The following JMY variants were observed in gnomAD, a reference collection of about 807,000 sequenced individuals.
JMY encodes junction-mediating and -regulatory protein.
A neutral mutation model predicts 103.3 loss-of-function variants in JMY; 46 were observed. That is an observed-to-expected ratio of 0.45 (90% CI 0.35 to 0.57). The LOEUF is 0.57. Among genes scored for constraint, JMY ranks in the 20% least tolerant of loss-of-function variants. The pLI is 0.00. For synonymous variants in JMY, 526 were observed against 489.3 expected, an observed-to-expected ratio of 1.07 and a Z score of -0.99; for missense variants, 1,238 against 1,255.2, an observed-to-expected ratio of 0.99 and a Z score of 0.21.
Position 79,237,141 on chromosome 5 carries a change from C to T in JMY, c.491C>T (p.Ala164Val). Residue 164 changes from alanine (A) to valine (V), a missense_variant, in exon 1 of 11, where the codon GCC becomes GTC. Physicochemically the swap from Ala to Val is moderately conservative, Grantham distance 64. Coordinates refer to ENST00000396137, the MANE Select transcript of JMY (RefSeq NM_152405.5). ...GAAGCCGACGATGCGGCGGGGGCAG[C>T]CGCTGCAGCAGCCCGGCCGGCGCCC... The part of the protein sequence containing the change: ...TSEADDAAGA[A>V]AAAARPAPRE... 1 of 1,547,460 alleles carries T rather than the reference C, an allele frequency of 6.5e-7. No homozygotes were observed. The highest frequency in any genetic ancestry group is 8.7e-7 in the Non-Finnish European group (1 of 1,145,508).
At chr5:79,284,544 C>T in intron 2 of JMY, 2 of 1,557,840 alleles carry the variant, frequency 1.3e-6, no homozygotes, top group Non-Finnish European at 1.8e-6. Context: ...ATAGTCCTGA[C>T]GTCAACGTGA....
chr5:79,292,356 A>G (rs1215671881), intron 4 of JMY, among the ~76,000 whole-genome samples: 2 of 151,968 alleles, frequency 1.3e-5, no homozygotes, highest in Non-Finnish European at 2.9e-5. Context: ...ACAGTGTCTC[A>G]TTCTGTCACC....
intron 1 of JMY, among the ~76,000 whole-genome samples, chr5:79,259,918 A>G (rs1375256252): frequency 1.3e-5 from 2 of 152,170 alleles, no homozygotes; most frequent in African/African-American, 4.8e-5. Flanking sequence ...GGAATCCTGC[A>G]TGCCCCTGGC....
intron 6 of JMY, among the ~76,000 whole-genome samples, chr5:79,302,727 G>C (rs1379514770): frequency 6.6e-6 from 1 of 152,198 alleles, no homozygotes; most frequent in Admixed American, 6.5e-5. Context: ...AAGCAAAGGG[G>C]TAGTATGAAC....
At chr5:79,241,695 A>T (rs1343804952) in intron 1 of JMY, among the ~76,000 whole-genome samples, 3 of 152,192 alleles carry the variant, frequency 2.0e-5, no homozygotes, top group African/African-American at 7.2e-5. Context: ...TTTAAAAGTT[A>T]TGTTTATGCT....
chr5:79,275,247 G>A (rs1012055574), intron 1 of JMY, among the ~76,000 whole-genome samples: 3 of 148,784 alleles, frequency 2.0e-5, no homozygotes, highest in Admixed American at 1.4e-4. Context: ...TGCAAGCTCC[G>A]CCTCCCAGGT....
rs1403958504 is a variant in JMY, at chr5:79,325,459, A to C, written c.*3857A>C. The C allele has an allele frequency of 6.6e-6, 1 of 152,188 alleles. No individual in the cohort carries two copies. The highest frequency in any genetic ancestry group is 2.4e-5 in the African/African-American group (1 of 41,448). 9.4% of individuals were successfully genotyped at this position (152,188 alleles called of 1,614,324 possible). A position where few individuals can be genotyped will look rare whatever the true frequency, so the allele number is the denominator to read the frequency against. ...AAGCAGAAACCTTAAGTTTTACCTA[A>C]TTATTGCACTAAATGTAAATGATAA... On this transcript the variant is annotated 3_prime_UTR_variant, in exon 11 of 11. Transcript: ENST00000396137.
chr5:79,325,133 T>C lies in JMY; in HGVS notation c.*3531T>C, dbSNP rs1747592445. The C allele has an allele frequency of 6.6e-6, 1 of 152,582 alleles. No individual in the cohort carries two copies. Among genetic ancestry groups the C allele is most frequent in the Non-Finnish European group, 1.5e-5 (1 of 68,030 alleles). The allele number at this position is 152,582 out of a possible 1,614,324, so 9.5% of individuals were successfully genotyped here. On this transcript the variant is annotated 3_prime_UTR_variant, in exon 11 of 11. Coordinates refer to ENST00000396137, the MANE Select transcript of JMY (RefSeq NM_152405.5). ...ATACAATTTAATTTTACACATTCCC[T>C]AAGACACCATTTTTAAGTTACAGTC...
chr5:79,291,382 C>G (rs533530811), intron 4 of JMY, 83 bp downstream of exon 4: 2 of 1,198,768 alleles, frequency 1.7e-6, no homozygotes, highest in Admixed American at 5.5e-5. Context: ...TTTTTTGATT[C>G]GATAGGCAGT....
intron 1 of JMY, among the ~76,000 whole-genome samples, chr5:79,261,642 C>T (rs1488118170): frequency 6.6e-6 from 1 of 152,176 alleles, no homozygotes; most frequent in Non-Finnish European, 1.5e-5. Flanking sequence ...AAATTGTGTA[C>T]TTCTCAGTAA....
chr5:79,318,022 G>A (rs1220811203), intron 10 of JMY, among the ~76,000 whole-genome samples: 1 of 152,064 alleles, frequency 6.6e-6, no homozygotes, highest in Admixed American at 6.6e-5. Flanking sequence ...ATCTTTTTTT[G>A]ACAGGGTTTC....
chr5:79,236,918 C>T lies in JMY; in HGVS notation c.268C>T (p.Pro90Ser). Reference protein sequence around the residue: ...GPGSPAGRGRPEATASATLVR... With the variant: ...GPGSPAGRGRSEATASATLVR... Reference sequence around the variant, plus strand: ...CGGCAGCCCGGCGGGCAGGGGTCGGCCCGAGGCCACTGCCTCTGCAACTCT... The same window carrying T: ...CGGCAGCCCGGCGGGCAGGGGTCGGTCCGAGGCCACTGCCTCTGCAACTCT... Residue 90 changes from proline (P) to serine (S), a missense_variant, in exon 1 of 11, where the codon CCC (proline) becomes TCC (serine). Coordinates refer to ENST00000396137, the MANE Select transcript of JMY (RefSeq NM_152405.5). 7.2e-7 allele frequency: 1 copy of T among 1,382,078 alleles called. No homozygotes were observed. 85.6% of individuals were successfully genotyped at this position (1,382,078 alleles called of 1,614,324 possible). A position where few individuals can be genotyped will look rare whatever the true frequency, so the allele number is the denominator to read the frequency against.
At position 79,316,095 on chromosome 5, in the gene JMY, G is replaced by A; in HGVS notation, c.2755G>A (p.Glu919Lys). 1 of 1,614,128 alleles carries A rather than the reference G, an allele frequency of 6.2e-7. No individual in the cohort carries two copies. Among genetic ancestry groups the A allele is most frequent in the South Asian group, 1.1e-5 (1 of 91,080 alleles). The change falls in exon 10 of 11, where the codon GAA becomes AAA. Residue 919 changes from glutamate (E) to lysine (K), a missense_variant. Physicochemically the swap from Glu to Lys is moderately conservative, Grantham distance 56. Transcript: ENST00000396137. ...EQRTLPPFPD[E>K]DDSNNILAQI... ...GCGAACTCTGCCTCCTTTTCCTGAT[G>A]AAGATGATAGTAATAATATCTTGGC...
intron 6 of JMY, among the ~76,000 whole-genome samples, chr5:79,304,893 A>G (rs1746834832): frequency 6.6e-6 from 1 of 152,232 alleles, no homozygotes; most frequent in Non-Finnish European, 1.5e-5. Context: ...TCTGGTAGTG[A>G]CATAAATCAC....
At position 79,323,163 on chromosome 5, in the gene JMY, G is replaced by A. The variant is rs760335599; in HGVS notation, c.*1561G>A. On this transcript the variant is annotated 3_prime_UTR_variant, in exon 11 of 11. Coordinates refer to ENST00000396137, the MANE Select transcript of JMY (RefSeq NM_152405.5). ...GACAGGGTTTTGCCATGTTGCCCAC[G>A]CTGGTCTTGAACTCCTGGACTCAAG... 5 of 152,144 alleles carry A rather than the reference G, an allele frequency of 3.3e-5. No homozygotes were observed. The highest frequency in any genetic ancestry group is 5.9e-5 in the Non-Finnish European group (4 of 68,026). The allele number at this position is 152,144 out of a possible 1,614,324, so 9.4% of individuals were successfully genotyped here.
intron 1 of JMY, among the ~76,000 whole-genome samples, chr5:79,254,572 G>A (rs764737600): frequency 6.6e-6 from 1 of 151,982 alleles, no homozygotes; most frequent in South Asian, 2.1e-4. Flanking sequence ...CTTCTTTTAG[G>A]ATCTTTTCTT....
intron 1 of JMY, among the ~76,000 whole-genome samples, chr5:79,258,549 G>A (rs1745326153): frequency 6.6e-6 from 1 of 152,058 alleles, no homozygotes; most frequent in Non-Finnish European, 1.5e-5. Context: ...GGAGCGGTGA[G>A]GGGTGTGTTA....
intron 2 of JMY, among the ~76,000 whole-genome samples, chr5:79,286,398 C>T (rs1288501807): frequency 2.0e-5 from 3 of 152,068 alleles, no homozygotes; most frequent in South Asian, 2.1e-4. Flanking sequence ...CCCAGCACTT[C>T]GAGAGGCCGA....
intron 2 of JMY, chr5:79,285,031 G>C (rs940229003): frequency 1.5e-6 from 1 of 667,066 alleles, no homozygotes; most frequent in African/African-American, 1.8e-5. Flanking sequence ...GTCAGAGCCA[G>C]CTGGACTATA....
Sources: gnomAD v4.1 joint callset for allele counts (sites outside exome capture counted in the v4.1 genomes callset) on GRCh38, gnomAD v4.1.1 for gene constraint, MANE v1.5 for transcripts, NCBI Gene and HGNC (gene_info 2026-07-23, HGNC 2026-07-21) for gene names.